The following SHISA9 variants were observed in gnomAD, a reference collection of about 807,000 sequenced individuals.
The protein encoded by SHISA9 is protein shisa-9.
SHISA9 carries 13 observed loss-of-function variants against 38.0 expected under a neutral mutation model. That is an observed-to-expected ratio of 0.34 (90% CI 0.22 to 0.54). SHISA9 has a LOEUF of 0.54. Ranked by LOEUF, SHISA9 falls within the 20% of genes least tolerant of loss-of-function variation. The probability of loss-of-function intolerance (pLI) is 0.91; values close to 1 mark genes in which losing one functional copy is unlikely to be tolerated. For synonymous variants in SHISA9, 275 were observed against 242.0 expected, an observed-to-expected ratio of 1.14 and a Z score of -1.27; for missense variants, 538 against 575.8, an observed-to-expected ratio of 0.93 and a Z score of 0.67.
chr16:13,491,817 CCTTTTTTTTTTTTTT>C, the SHISA9 span, among the ~76,000 whole-genome samples: 2 of 46,892 alleles, frequency 4.3e-5, 1 homozygote. Context: ...TATTTATTGA[CCTTTTTTTTTTTTTT>C]TTTTTTTTTT....
rs2071922606 is a variant in SHISA9 at position 12,962,372 on chromosome 16, A to G, written c.691+45557A>G. ...TATTTCCCAGTTCCCCAGTTGCATGAATGATAGTTGCCAGGTTCACTTGTG... is the reference window on the plus strand; with the variant it reads ...TATTTCCCAGTTCCCCAGTTGCATGGATGATAGTTGCCAGGTTCACTTGTG... On this transcript the variant is annotated intron_variant, in intron 2 of 4. Coordinates refer to ENST00000558583, the MANE Select transcript of SHISA9 (RefSeq NM_001145204.3). Among the ~76,000 whole-genome samples the G allele has an allele frequency of 2.0e-5, 3 of 152,176 alleles. No homozygotes were observed. In the South Asian group the frequency reaches 6.2e-4, roughly 32 times the overall value.
chr16:13,039,555 C>T (rs1460215108), intron 2 of SHISA9, among the ~76,000 whole-genome samples: 1 of 149,856 alleles, frequency 6.7e-6, no homozygotes, highest in East Asian at 2.0e-4. Flanking sequence ...ATATTGAGAG[C>T]CCAGAGAAAC....
the SHISA9 span, among the ~76,000 whole-genome samples, chr16:13,322,990 G>A: frequency 1.3e-5 from 2 of 152,132 alleles, no homozygotes; most frequent in African/African-American, 2.4e-5. Context: ...GAGATTTCCT[G>A]ATAGATCAGT....
chr16:13,398,502 A>AT, the SHISA9 span, among the ~76,000 whole-genome samples: 9,801 of 140,242 alleles, frequency 0.07, 532 homozygotes, highest in African/African-American at 0.15. Flanking sequence ...TTTATTCACC[A>AT]TTTTTTTTTT....
the SHISA9 span, among the ~76,000 whole-genome samples, chr16:13,549,928 C>CA: frequency 2.0e-5 from 3 of 151,122 alleles, no homozygotes; most frequent in African/African-American, 7.3e-5. Flanking sequence ...GAGGCTGAGG[C>CA]AGGAGAATCG....
the SHISA9 span, among the ~76,000 whole-genome samples, chr16:13,387,784 G>T: frequency 2.6e-5 from 4 of 152,098 alleles, no homozygotes; most frequent in African/African-American, 9.7e-5. Flanking sequence ...CACCACACCT[G>T]GCCTGCATTA....
At chr16:13,096,771 C>T (rs1372330998) in intron 2 of SHISA9, among the ~76,000 whole-genome samples, 3 of 152,092 alleles carry the variant, frequency 2.0e-5, no homozygotes, top group Admixed American at 1.3e-4. Flanking sequence ...TTTGATGTTT[C>T]GTGAACATCT....
intron 2 of SHISA9, among the ~76,000 whole-genome samples, chr16:13,115,086 G>C (rs915587701): frequency 1.3e-5 from 2 of 151,416 alleles, no homozygotes; most frequent in African/African-American, 4.9e-5. Context: ...TTTTCATTTT[G>C]CTGGCTGCCT....
intron 2 of SHISA9, among the ~76,000 whole-genome samples, chr16:12,977,579 G>T (rs934830240): frequency 6.6e-6 from 1 of 152,078 alleles, no homozygotes; most frequent in African/African-American, 2.4e-5. Context: ...ATGCCCATCC[G>T]TGATAGACTG....
intron 2 of SHISA9, among the ~76,000 whole-genome samples, chr16:13,197,104 T>TATATATATATACACACAC (rs748572860): frequency 1.9e-5 from 2 of 106,492 alleles, no homozygotes; most frequent in African/African-American, 8.6e-5. Context: ...TCTCTGTACA[T>TATATATATATACACACAC]ACACACACAC....
the SHISA9 span, among the ~76,000 whole-genome samples, chr16:13,261,040 A>G: frequency 6.6e-6 from 1 of 152,172 alleles, no homozygotes; most frequent in Non-Finnish European, 1.5e-5. Flanking sequence ...TATCACAAGA[A>G]TAGCAAGGGA....
the SHISA9 span, among the ~76,000 whole-genome samples, chr16:13,536,595 G>A: frequency 0.087 from 13,205 of 152,174 alleles, 741 homozygotes; most frequent in East Asian, 0.19. Context: ...TCGGCATTGC[G>A]GAATGGTTAA....
intron 2 of SHISA9, among the ~76,000 whole-genome samples, chr16:12,943,900 C>G (rs941873783): frequency 2.0e-5 from 3 of 152,186 alleles, no homozygotes; most frequent in Admixed American, 6.5e-5. Flanking sequence ...TGTCATTCTG[C>G]CTTTCCCCTC....
chr16:13,247,326 A>G, the SHISA9 span, among the ~76,000 whole-genome samples: 2 of 152,190 alleles, frequency 1.3e-5, no homozygotes, highest in African/African-American at 2.4e-5. Context: ...CATATCAATC[A>G]TCTTAATTAA....
At chr16:12,910,692 C>G (rs754133621) in intron 1 of SHISA9, 5 of 985,358 alleles carry the variant, frequency 5.1e-6, no homozygotes, top group Non-Finnish European at 6.0e-6. Flanking sequence ...GGGTGGAAGG[C>G]TATCAAGAAA....
the SHISA9 span, among the ~76,000 whole-genome samples, chr16:13,355,982 C>T: frequency 2.6e-5 from 4 of 152,256 alleles, no homozygotes; most frequent in Admixed American, 6.5e-5. Context: ...GGAGGAATCC[C>T]AGGCTGCGGG....
intron 2 of SHISA9, among the ~76,000 whole-genome samples, chr16:13,124,051 C>T (rs1322896159): frequency 2.0e-5 from 3 of 152,166 alleles, no homozygotes; most frequent in East Asian, 1.9e-4. Context: ...AAGTCCTAAC[C>T]GGAAGACACT....
At chr16:13,109,918 C>G (rs2073961645) in intron 2 of SHISA9, among the ~76,000 whole-genome samples, 1 of 152,288 alleles carries the variant, frequency 6.6e-6, no homozygotes, top group South Asian at 2.1e-4. Flanking sequence ...AACATTGGAG[C>G]TCTTTTTAAT....
intron 2 of SHISA9, among the ~76,000 whole-genome samples, chr16:13,194,595 A>C (rs2050919335): frequency 6.6e-6 from 1 of 152,134 alleles, no homozygotes; most frequent in South Asian, 2.1e-4. Flanking sequence ...GTGTGTCTTC[A>C]CCTTCCTCAT....
Sources: gnomAD v4.1 joint callset for allele counts (sites outside exome capture counted in the v4.1 genomes callset) on GRCh38, gnomAD v4.1.1 for gene constraint, MANE v1.5 for transcripts, NCBI Gene and HGNC (gene_info 2026-07-23, HGNC 2026-07-21) for gene names.